Variants in PLEKHA7 observed in about 807,000 individuals in gnomAD.
The protein encoded by PLEKHA7 is pleckstrin homology domain-containing family A member 7.
Under a neutral mutation model 170.0 loss-of-function variants are expected in PLEKHA7, and 104 were observed. The ratio of observed to expected loss-of-function variants is 0.61; its 90% CI spans 0.52 to 0.72. The LOEUF (loss-of-function observed/expected upper bound fraction) is 0.72, where lower values mean the gene tolerates loss of function less well. PLEKHA7 is among the 30% of genes least tolerant of loss of function. PLEKHA7 has a pLI of 0.00. For missense variants in PLEKHA7, 1,615 were observed against 1,671.7 expected, an observed-to-expected ratio of 0.97 and a Z score of 0.59; for synonymous variants, 648 against 660.8, an observed-to-expected ratio of 0.98 and a Z score of 0.30.
intron 3 of PLEKHA7, among the ~76,000 whole-genome samples, chr11:16,980,662 C>T (rs958459193): frequency 1.3e-5 from 2 of 152,108 alleles, no homozygotes; most frequent in Non-Finnish European, 1.5e-5. Flanking sequence ...GTGGCTCACA[C>T]CTATAATCCC....
At chr11:16,978,869 A>G (rs1863231745) in intron 3 of PLEKHA7, among the ~76,000 whole-genome samples, 3 of 152,178 alleles carry the variant, frequency 2.0e-5, no homozygotes, top group Admixed American at 6.5e-5. Context: ...AACACACACA[A>G]GTACTCATAC....
At chr11:16,844,358 G>A (rs780337408) in intron 8 of PLEKHA7, among the ~76,000 whole-genome samples, 2 of 152,202 alleles carry the variant, frequency 1.3e-5, no homozygotes, top group Non-Finnish European at 2.9e-5. Flanking sequence ...GCTGTGCCCA[G>A]CTGCTCTTGA....
chr11:16,971,393 C>T (rs1544506), intron 3 of PLEKHA7, among the ~76,000 whole-genome samples: 67,262 of 152,072 alleles, frequency 0.44, 16,535 homozygotes, highest in African/African-American at 0.64. Flanking sequence ...ATCCACTGTA[C>T]AGAGGTGTCA....
At position 16,841,711 on chromosome 11, in the gene PLEKHA7, C is replaced by T. The variant is rs369969124; in HGVS notation, c.708G>A (p.Thr236=). 7.3e-5 allele frequency: 118 copies of T among 1,613,896 alleles called. No individual in the cohort carries two copies. The highest frequency in any genetic ancestry group is 1.5e-4 in the African/African-American group (11 of 75,046). ...TGTTATAGATGAGCGCTCGCATCCC[C>T]GTGTGCACAGCCTGTAGCATGAAGG... ...SRKYSFKAVH[T]GMRALIYNSS... is the part of the protein sequence containing the mutation. The change falls in exon 9 of 27, where the codon ACG becomes ACA. Residue 236 remains threonine (T), a synonymous_variant. Coordinates refer to ENST00000531066, the MANE Select transcript of PLEKHA7 (RefSeq NM_001329630.2).
chr11:16,918,890 T>G (rs1211148565), intron 3 of PLEKHA7, among the ~76,000 whole-genome samples: 2 of 151,658 alleles, frequency 1.3e-5, no homozygotes, highest in African/African-American at 4.8e-5. Context: ...CATTACATAC[T>G]CACATAAAAA....
chr11:16,873,385 G>A (rs1855022167), intron 3 of PLEKHA7, among the ~76,000 whole-genome samples: 1 of 152,184 alleles, frequency 6.6e-6, no homozygotes. Flanking sequence ...TGTGAAGCCA[G>A]CCATGAGGCC....
intron 23 of PLEKHA7, 65 bp from the exon 24 acceptor site, chr11:16,786,452 C>T (rs1201203475): frequency 3.9e-6 from 6 of 1,529,280 alleles, no homozygotes; most frequent in African/African-American, 2.7e-5. Context: ...CGGCTGGTCA[C>T]CTTTTTCCAT....
At chr11:16,820,016 T>C (rs557711559) in intron 10 of PLEKHA7, among the ~76,000 whole-genome samples, 1 of 152,362 alleles carries the variant, frequency 6.6e-6, no homozygotes, top group African/African-American at 2.4e-5. Flanking sequence ...CATTTCATAA[T>C]GTATACATAT....
At chr11:16,854,784 G>T in intron 6 of PLEKHA7, 105 bp downstream of exon 6, 2 of 958,592 alleles carry the variant, frequency 2.1e-6, no homozygotes, top group Non-Finnish European at 3.2e-6. Context: ...ACAAACTCAG[G>T]AACAGAAAGC....
At chr11:16,914,265 T>C (rs1297737777) in intron 3 of PLEKHA7, among the ~76,000 whole-genome samples, 1 of 152,190 alleles carries the variant, frequency 6.6e-6, no homozygotes, top group Non-Finnish European at 1.5e-5. Flanking sequence ...TTCCCAATAT[T>C]CTAAAATAAG....
At chr11:16,835,507 C>G (rs1056094339) in intron 9 of PLEKHA7, among the ~76,000 whole-genome samples, 2 of 152,082 alleles carry the variant, frequency 1.3e-5, no homozygotes, top group African/African-American at 2.4e-5. Context: ...AATGATGAAA[C>G]TGGAAGAGGG....
At chr11:16,915,570 C>A (rs866923636) in intron 3 of PLEKHA7, among the ~76,000 whole-genome samples, 2,282 of 141,052 alleles carry the variant, frequency 0.016, 62 homozygotes, top group African/African-American at 0.058. Flanking sequence ...TGTCCATGTG[C>A]TCTCATTGTT....
At chr11:16,913,721 T>C (rs78456496) in intron 3 of PLEKHA7, among the ~76,000 whole-genome samples, 1,705 of 152,320 alleles carry the variant, frequency 0.011, 37 homozygotes, top group African/African-American at 0.038. Flanking sequence ...AAGAGGCTGA[T>C]TGTACTGTCC....
At chr11:16,892,537 A>G (rs917135324) in intron 3 of PLEKHA7, among the ~76,000 whole-genome samples, 1 of 149,974 alleles carries the variant, frequency 6.7e-6, no homozygotes, top group African/African-American at 2.5e-5. Context: ...CCTCTACCCT[A>G]CTGGCTCAAG....
intron 3 of PLEKHA7, among the ~76,000 whole-genome samples, chr11:16,887,605 G>A (rs866275617): frequency 2.0e-4 from 31 of 152,284 alleles, no homozygotes; most frequent in South Asian, 6.2e-4. Context: ...TGTGTTGGCC[G>A]GGCTGGTCTC....
chr11:17,013,692 C>T (rs1222285791), intron 3 of PLEKHA7, among the ~76,000 whole-genome samples: 4 of 152,228 alleles, frequency 2.6e-5, no homozygotes, highest in African/African-American at 7.2e-5. Flanking sequence ...AGAGGGGAGG[C>T]GTGCCCAGCC....
At chr11:16,971,465 T>C (rs1268249041) in intron 3 of PLEKHA7, among the ~76,000 whole-genome samples, 1 of 152,238 alleles carries the variant, frequency 6.6e-6, no homozygotes, top group Non-Finnish European at 1.5e-5. Flanking sequence ...GAAATACAGA[T>C]ATTTAATCTC....
At chr11:16,892,435 T>TGTG (rs1554964897) in intron 3 of PLEKHA7, among the ~76,000 whole-genome samples, 36 of 98,350 alleles carry the variant, frequency 3.7e-4, no homozygotes, top group Non-Finnish European at 5.9e-4. Flanking sequence ...TGTGTGTGTG[T>TGTG]TTTGTTTTGT....
chr11:16,871,655 T>C (rs1171649878), intron 3 of PLEKHA7, among the ~76,000 whole-genome samples: 1 of 152,206 alleles, frequency 6.6e-6, no homozygotes, highest in Admixed American at 6.5e-5. Context: ...TTCTCCCTAC[T>C]ACAAAATGTC....
Sources: allele counts gnomAD v4.1 joint callset (sites outside exome capture counted in the v4.1 genomes callset), GRCh38; gene constraint gnomAD v4.1.1; transcripts MANE v1.5; gene names NCBI Gene and HGNC (gene_info 2026-07-23, HGNC 2026-07-21).